COL7A1: variants seen among roughly 807,000 people sequenced by gnomAD.
COL7A1 encodes the protein collagen type VII alpha 1 chain, also known as collagen alpha-1(VII) chain.
COL7A1 carries 296 observed loss-of-function variants against 456.2 expected under a neutral mutation model. That is an observed-to-expected ratio of 0.65 (90% confidence interval 0.59 to 0.71). The LOEUF (loss-of-function observed/expected upper bound fraction) is 0.71, where lower values mean the gene tolerates loss of function less well. COL7A1 is among the 30% of genes least tolerant of loss of function. The pLI, the probability that COL7A1 is intolerant of heterozygous loss-of-function variation, is 0.00. For synonymous variants in COL7A1, 1,464 were observed against 1,525.9 expected (o/e 0.96, Z 0.95); for missense variants, 3,441 against 4,017.2 (o/e 0.86, Z 3.88).
Position 48,570,793 on chromosome 3 carries a change from A to G in COL7A1, c.7272+68T>C, listed in dbSNP as rs2043865606. ...TGCCCCCTCAAGACTGGGAACCCCC[A>G]AGGCAGGGCCCCCTCCTCACCCACC... On this transcript the variant is annotated intron_variant, in intron 95 of 118. Transcript: ENST00000681320. This position sits in a 1 kb window ranked among gnomAD's most constrained non-coding sequence, Gnocchi z 5.5. The G allele has an allele frequency of 1.3e-6, 2 of 1,561,546 alleles. No individual in the cohort carries two copies. The highest frequency in any genetic ancestry group is 3.8e-5 in the Admixed American group (2 of 52,302).
rs2044505174 is a variant in COL7A1 at position 48,578,768 on chromosome 3, A to G, written c.5424+151T>C. 1 of 839,748 alleles carries G rather than the reference A, an allele frequency of 1.2e-6. No homozygotes were observed. The highest frequency in any genetic ancestry group is 2.7e-5 in the East Asian group (1 of 37,614). 52.0% of individuals were successfully genotyped at this position (839,748 alleles called of 1,614,324 possible). A position where few individuals can be genotyped will look rare whatever the true frequency, so the allele number is the denominator to read the frequency against. On this transcript the variant is annotated intron_variant, in intron 63 of 118. Coordinates refer to ENST00000681320, the MANE Select transcript of COL7A1 (RefSeq NM_000094.4). The surrounding 1 kb of genome is among the most constrained non-coding windows in gnomAD (Gnocchi z 4.7). Reference sequence around the variant, plus strand: ...AAAGAAGGTCAGAAAGGGGGATTCTACTAAAACCTGTGTGCCAGGGACTGA... The same window carrying G: ...AAAGAAGGTCAGAAAGGGGGATTCTGCTAAAACCTGTGTGCCAGGGACTGA...
chr3:48,591,469 G>A lies in COL7A1; in HGVS notation c.1631C>T (p.Thr544Ile), dbSNP rs763775614. ...GCTGGCTGCGTCCACCTCACCCTGG[G>A]TGCTGCGCACAATGATGCGGTACTG... ...ATQYRIIVRS[T>I]QGVERTLVLP... Residue 544 changes from threonine to isoleucine, a missense_variant, in exon 13 of 119, where the codon ACC (threonine) becomes ATC (isoleucine). By Grantham distance (89) the Thr-to-Ile change is moderately conservative. Around this residue, in one of 3 missense-constraint regions of COL7A1, gnomAD observed 913 missense variants for 1,088.2 expected, o/e 0.84. Coordinates refer to ENST00000681320, the MANE Select transcript of COL7A1 (RefSeq NM_000094.4). The surrounding 1 kb of genome is among the most constrained non-coding windows in gnomAD (Gnocchi z 7.0). The A allele has an allele frequency of 3.7e-6, 6 of 1,613,566 alleles. No homozygotes were observed. The highest frequency in any genetic ancestry group is 5.1e-6 in the Non-Finnish European group (6 of 1,179,880).
At position 48,580,854 on chromosome 3, in the gene COL7A1, C is replaced by T; in HGVS notation, c.4980+28G>A. ...ACCTTCATGCCCACCTCCCATCACCCCTGTTACTTCTCTCTGCCAAGACTC... is the reference window on the plus strand; with the variant it reads ...ACCTTCATGCCCACCTCCCATCACCTCTGTTACTTCTCTCTGCCAAGACTC... On this transcript the variant is annotated intron_variant, in intron 54 of 118. Transcript: ENST00000681320. The surrounding 1 kb of genome is among the most constrained non-coding windows in gnomAD (Gnocchi z 4.5). The T allele has an allele frequency of 6.2e-7, 1 of 1,614,090 alleles. No individual in the cohort carries two copies. Among genetic ancestry groups the T allele is most frequent in the South Asian group, 1.1e-5 (1 of 91,068 alleles).
At position 48,592,828 on chromosome 3, in the gene COL7A1, G is replaced by A; in HGVS notation, c.793C>T (p.Gln265Ter). ...CCCAGCCCCGTCAGAGGAGTGTACT[G>A]GACCTTGTAGCCAGTCACAGGGCCA... Reference protein sequence around the residue: ...ASGPVTGYKVQYTPLTGLGQP... With the variant: ...ASGPVTGYKV Residue 265 changes from glutamine to a stop codon, truncating the protein, a stop_gained, in exon 7 of 119, where the codon CAG becomes TAG. Transcript: ENST00000681320. LOFTEE classifies it high-confidence loss of function. This position sits in a 1 kb window ranked among gnomAD's most constrained non-coding sequence, Gnocchi z 7.6. The A allele has an allele frequency of 3.1e-6, 5 of 1,613,848 alleles. No individual in the cohort carries two copies. The highest frequency in any genetic ancestry group is 4.2e-6 in the Non-Finnish European group (5 of 1,180,042).
chr3:48,588,152 C>T lies in COL7A1; in HGVS notation c.2710+130G>A. The T allele has an allele frequency of 6.9e-7, 1 of 1,450,578 alleles. No homozygotes were observed. The highest frequency in any genetic ancestry group is 1.4e-5 in the African/African-American group (1 of 71,118). The allele number at this position is 1,450,578 out of a possible 1,614,324, so 89.9% of individuals were successfully genotyped here. ...CACCCACTTCATTGATTGATCTTAC[C>T]TACTGTCACGGATCCCGCAGACCCC... is the stretch of plus-strand genomic sequence containing the variant. On this transcript the variant is annotated intron_variant, in intron 21 of 118. Coordinates refer to ENST00000681320, the MANE Select transcript of COL7A1 (RefSeq NM_000094.4). This position sits in a 1 kb window ranked among gnomAD's most constrained non-coding sequence, Gnocchi z 4.6.
At position 48,586,900 on chromosome 3, in the gene COL7A1, G is replaced by A; in HGVS notation, c.3276+72C>T. ...GCCTGAACCTATTGGGTGGTCAGGA[G>A]ATGGTAACTGGTATGGAGCCTGGGT... On this transcript the variant is annotated intron_variant, in intron 25 of 118. Transcript: ENST00000681320. This position sits in a 1 kb window ranked among gnomAD's most constrained non-coding sequence, Gnocchi z 5.1. 1.3e-6 allele frequency: 2 copies of A among 1,551,448 alleles called. No individual in the cohort carries two copies. Among genetic ancestry groups the A allele is most frequent in the Non-Finnish European group, 1.7e-6 (2 of 1,146,878 alleles).
rs377763372 is a variant in COL7A1, at chr3:48,589,392, G to A, written c.2249C>T (p.Thr750Met). The part of the protein sequence containing the change: ...LDGLEPDTEY[T>M]VHVRAHVAGV... Reference sequence around the variant, plus strand: ...AGCCACATGGGCCCTCACATGCACCGTATACTCAGTATCTGGCTCCAGTCC... The same window carrying A: ...AGCCACATGGGCCCTCACATGCACCATATACTCAGTATCTGGCTCCAGTCC... The change falls in exon 18 of 119, where the codon ACG (threonine) becomes ATG (methionine). Residue 750 changes from threonine (T) to methionine (M), a missense_variant. Physicochemically the swap from Thr to Met is moderately conservative, Grantham distance 81. Transcript: ENST00000681320. 23 of 1,613,430 alleles carry A rather than the reference G, an allele frequency of 1.4e-5. No homozygotes were observed. Among genetic ancestry groups the A allele is most frequent in the African/African-American group, 2.7e-5 (2 of 74,876 alleles).
rs773844484 is a variant in COL7A1, at chr3:48,578,309, G to A, written c.5532+12C>T. 6.2e-7 allele frequency: 1 copy of A among 1,612,324 alleles called. No individual in the cohort carries two copies. Among genetic ancestry groups the A allele is most frequent in the Admixed American group, 1.7e-5 (1 of 60,014 alleles). ...TGGCAGGTTTCGCCGCAGCTGCCCTGGACACACTCACGTTTTTTCCATTCA... is the reference window on the plus strand; with the variant it reads ...TGGCAGGTTTCGCCGCAGCTGCCCTAGACACACTCACGTTTTTTCCATTCA... On this transcript the variant is annotated intron_variant, in intron 65 of 118. Coordinates refer to ENST00000681320, the MANE Select transcript of COL7A1 (RefSeq NM_000094.4). The surrounding 1 kb of genome is among the most constrained non-coding windows in gnomAD (Gnocchi z 4.7).
chr3:48,589,414 G>C lies in COL7A1; in HGVS notation c.2227C>G (p.Leu743Val), dbSNP rs2045534803. The change falls in exon 18 of 119, where the codon CTG becomes GTG. Residue 743 changes from leucine to valine, a missense_variant. Coordinates refer to ENST00000681320, the MANE Select transcript of COL7A1 (RefSeq NM_000094.4). Reference protein sequence around the residue: ...GEATVAELDGLEPDTEYTVHV... With the variant: ...GEATVAELDGVEPDTEYTVHV... ...ACCGTATACTCAGTATCTGGCTCCA[G>C]TCCATCCAGCTCAGCCACCGTGGCC... The C allele has an allele frequency of 5.6e-6, 9 of 1,613,708 alleles. No individual in the cohort carries two copies. Among genetic ancestry groups the C allele is most frequent in the Non-Finnish European group, 5.9e-6 (7 of 1,180,008 alleles).
rs773938350 is a variant in COL7A1, at chr3:48,575,217, C to T, written c.6206G>A (p.Arg2069His). 50 of 1,613,950 alleles carry T rather than the reference C, an allele frequency of 3.1e-5. No homozygotes were observed. Among genetic ancestry groups the T allele is most frequent in the Admixed American group, 1.2e-4 (7 of 60,010 alleles). ...ERGERGEKGE[R>H]GEQGRDGPPG... is the part of the protein sequence containing the mutation. ...CCCATCGCAGCCCACCTGTTCTCCA[C>T]GTTCTCCTTTCTCTCCCCGTTCTCC... The change falls in exon 75 of 119, where the codon CGT becomes CAT. Residue 2069 changes from arginine (R) to histidine (H), a missense_variant. Arg to His is a conservative substitution (Grantham distance 29, BLOSUM62 0). This residue lies in a region of COL7A1 where 2,084 missense variants were observed against 2,501.3 expected (regional missense o/e 0.83). Coordinates refer to ENST00000681320, the MANE Select transcript of COL7A1 (RefSeq NM_000094.4). This position sits in a 1 kb window ranked among gnomAD's most constrained non-coding sequence, Gnocchi z 6.3.
In COL7A1 at chr3:48,587,958, T is replaced by TG. The variant is rs1351980023; in HGVS notation, c.2711-20dup. The stretch of plus-strand genomic sequence containing the variant: ...TGGCCACCTGGGGCAGGCGTGAGGG[T>TG]GGGGGCCAAGAGCATGTGGGATAGT... On this transcript the variant is annotated intron_variant, in intron 21 of 118. Transcript: ENST00000681320. This position sits in a 1 kb window ranked among gnomAD's most constrained non-coding sequence, Gnocchi z 6.1. The TG allele has an allele frequency of 6.4e-7, 1 of 1,571,738 alleles. No individual in the cohort carries two copies. Among genetic ancestry groups the TG allele is most frequent in the Non-Finnish European group, 8.6e-7 (1 of 1,158,826 alleles).
rs1560225113 is a variant in COL7A1 at position 48,578,413 on chromosome 3, GT to G, written c.5487+39del. On this transcript the variant is annotated intron_variant, in intron 64 of 118. Transcript: ENST00000681320. The surrounding 1 kb of genome is among the most constrained non-coding windows in gnomAD (Gnocchi z 4.7). ...GGATGTCGGGGATCGGGTGAGGGTA[GT>G]AAGGGGGAAAAGGGGGTAACATGAA... 1 of 1,613,598 alleles carries G rather than the reference GT, an allele frequency of 6.2e-7. No homozygotes were observed. Among genetic ancestry groups the G allele is most frequent in the Middle Eastern group, 1.8e-4 (1 of 5,640 alleles).
chr3:48,585,759 T>C lies in COL7A1; in HGVS notation c.3787-25A>G, dbSNP rs1218134431. On this transcript the variant is annotated intron_variant, in intron 30 of 118. Coordinates refer to ENST00000681320, the MANE Select transcript of COL7A1 (RefSeq NM_000094.4). The surrounding 1 kb of genome is among the most constrained non-coding windows in gnomAD (Gnocchi z 4.5). ...CCTAGGAAGGGTAATCAGTGAGACCTGTGCTGCCAACCTCTCCTGCCCCAC... is the reference window on the plus strand; with the variant it reads ...CCTAGGAAGGGTAATCAGTGAGACCCGTGCTGCCAACCTCTCCTGCCCCAC... The C allele has an allele frequency of 4.3e-6, 7 of 1,613,900 alleles. No homozygotes were observed. The highest frequency in any genetic ancestry group is 4.5e-5 in the East Asian group (2 of 44,876).
rs1241253064 is a variant in COL7A1, at chr3:48,571,476, C to T, written c.7069-198G>A. The T allele has an allele frequency of 1.4e-6, 1 of 738,376 alleles. No individual in the cohort carries two copies. Among genetic ancestry groups the T allele is most frequent in the Non-Finnish European group, 2.5e-6 (1 of 406,044 alleles). The allele number at this position is 738,376 out of a possible 1,614,324, so 45.7% of individuals were successfully genotyped here. The stretch of plus-strand genomic sequence containing the variant: ...AGGACAGCACAGACAGAGGGACGCT[C>T]AGATACTACCATAGACAGGTGGGAG... On this transcript the variant is annotated intron_variant, in intron 92 of 118. Transcript: ENST00000681320. This position sits in a 1 kb window ranked among gnomAD's most constrained non-coding sequence, Gnocchi z 4.6.
chr3:48,583,843 C>T lies in COL7A1; in HGVS notation c.4278+57G>A. The T allele has an allele frequency of 1.9e-6, 3 of 1,613,224 alleles. No homozygotes were observed. The Admixed American group carries it at 5.0e-5, about 27-fold the overall frequency. On this transcript the variant is annotated intron_variant, in intron 39 of 118. Transcript: ENST00000681320. This position sits in a 1 kb window ranked among gnomAD's most constrained non-coding sequence, Gnocchi z 5.1. Reference sequence around the variant, plus strand: ...TGAAGCCCAGCACCCAACCACTGCCCCAGGAGAGACCCACACCCCTGAGCA... The same window carrying T: ...TGAAGCCCAGCACCCAACCACTGCCTCAGGAGAGACCCACACCCCTGAGCA...
At position 48,588,138 on chromosome 3, in the gene COL7A1, T is replaced by C. The variant is rs1445912676; in HGVS notation, c.2710+144A>G. ...GAACTCATTGATCCCACCCACTTCA[T>C]TGATTGATCTTACCTACTGTCACGG... On this transcript the variant is annotated intron_variant, in intron 21 of 118. Coordinates refer to ENST00000681320, the MANE Select transcript of COL7A1 (RefSeq NM_000094.4). This position sits in a 1 kb window ranked among gnomAD's most constrained non-coding sequence, Gnocchi z 4.6. 9 of 1,384,756 alleles carry C rather than the reference T, an allele frequency of 6.5e-6. No homozygotes were observed. Among genetic ancestry groups the C allele is most frequent in the South Asian group, 3.8e-5 (3 of 79,974 alleles). 85.8% of individuals were successfully genotyped at this position (1,384,756 alleles called of 1,614,324 possible).
chr3:48,584,881 T>TA (rs2045118340), intron 34 of COL7A1, 29 bp downstream of exon 34: 2 of 1,613,604 alleles, frequency 1.2e-6, no homozygotes, highest in Non-Finnish European at 1.7e-6. Flanking sequence ...GGAAGACACT[T>TA]AGAGAGCAAA....
chr3:48,568,023 C>T lies in COL7A1; in HGVS notation c.7875+67G>A. On this transcript the variant is annotated intron_variant, in intron 106 of 118. Transcript: ENST00000681320. This position sits in a 1 kb window ranked among gnomAD's most constrained non-coding sequence, Gnocchi z 5.2. ...GACCCAGTGCCCTAATATCTGACCC[C>T]AGGTCCCTCGCCCTTCAACATTAGG... 6.2e-7 allele frequency: 1 copy of T among 1,606,284 alleles called. No homozygotes were observed. The highest frequency in any genetic ancestry group is 8.5e-7 in the Non-Finnish European group (1 of 1,172,960).
chr3:48,565,757 T>G lies in COL7A1; in HGVS notation c.8408-89A>C, dbSNP rs1575415979. ...AGACAGAGACACACAGGCAGAGGGG[T>G]AGAGATACACAAAGAGATAGCAGGA... On this transcript the variant is annotated intron_variant, in intron 114 of 118. Transcript: ENST00000681320. The surrounding 1 kb of genome is among the most constrained non-coding windows in gnomAD (Gnocchi z 4.5). 1 of 1,259,096 alleles carries G rather than the reference T, an allele frequency of 7.9e-7. No individual in the cohort carries two copies. Among genetic ancestry groups the G allele is most frequent in the African/African-American group, 1.5e-5 (1 of 66,446 alleles). The allele number at this position is 1,259,096 out of a possible 1,614,324, so 78.0% of individuals were successfully genotyped here. A position where few individuals can be genotyped will look rare whatever the true frequency, so the allele number is the denominator to read the frequency against.
Sources: allele counts gnomAD v4.1 joint callset, GRCh38; gene constraint gnomAD v4.1.1; regional missense constraint gnomAD v4.1.1; non-coding constraint Gnocchi (gnomAD v3.1); transcripts MANE v1.5; gene names NCBI Gene and HGNC (gene_info 2026-07-23, HGNC 2026-07-21).